PRKCB: variants seen among roughly 807,000 people sequenced by gnomAD.
PRKCB encodes protein kinase C beta type.
Under a neutral mutation model 81.5 loss-of-function variants are expected in PRKCB, and 13 were observed. That is an observed-to-expected ratio of 0.16 (90% CI 0.10 to 0.25). The LOEUF (loss-of-function observed/expected upper bound fraction) is 0.25, where lower values mean the gene tolerates loss of function less well. PRKCB is among the 10% of genes least tolerant of loss of function. The probability of loss-of-function intolerance (pLI) is 1.00; values close to 1 mark genes in which losing one functional copy is unlikely to be tolerated. For missense variants in PRKCB, 509 were observed against 875.7 expected, an observed-to-expected ratio of 0.58 and a Z score of 5.29; for synonymous variants, 335 against 321.4, an observed-to-expected ratio of 1.04 and a Z score of -0.45.
intron 8 of PRKCB, among the ~76,000 whole-genome samples, chr16:24,114,927 A>G: frequency 6.6e-6 from 1 of 152,236 alleles, no homozygotes; most frequent in South Asian, 2.1e-4. Flanking sequence ...AACATGTACA[A>G]GAGAAATGTC....
chr16:23,911,941 C>T (rs1432205190), intron 2 of PRKCB, among the ~76,000 whole-genome samples: 2 of 150,378 alleles, frequency 1.3e-5, no homozygotes, highest in African/African-American at 2.5e-5. Flanking sequence ...AGGTGATTCT[C>T]CTGCCTCAGC....
intron 7 of PRKCB, among the ~76,000 whole-genome samples, chr16:24,098,025 A>T (rs1389729873): frequency 9.2e-5 from 14 of 152,200 alleles, no homozygotes; most frequent in Non-Finnish European, 1.5e-5. Context: ...GGAAGGGGAT[A>T]TAATGAGACA....
At chr16:23,996,730 C>G (rs564143053) in intron 3 of PRKCB, among the ~76,000 whole-genome samples, 40 of 152,302 alleles carry the variant, frequency 2.6e-4, no homozygotes, top group African/African-American at 9.6e-4. Context: ...GGGCAGTGAA[C>G]TCACACTCAT....
intron 2 of PRKCB, among the ~76,000 whole-genome samples, chr16:23,849,766 A>G (rs978589814): frequency 1.3e-5 from 2 of 152,230 alleles, no homozygotes; most frequent in Non-Finnish European, 2.9e-5. Context: ...TTTGATACAT[A>G]TATACAATGT....
In PRKCB at chr16:24,012,911, G is replaced by A. The variant is rs117592567; in HGVS notation, c.289-19225G>A. On this transcript the variant is annotated intron_variant, in intron 3 of 16. Coordinates refer to ENST00000643927, the MANE Select transcript of PRKCB (RefSeq NM_002738.7). ...ATTTGCACATACTTCTCCCTTGGCTGAGATACTCTTCTCTCTCTTCTTCCC... is the reference window on the plus strand; with the variant it reads ...ATTTGCACATACTTCTCCCTTGGCTAAGATACTCTTCTCTCTCTTCTTCCC... 2.5e-3 allele frequency among the ~76,000 whole-genome samples: 376 copies of A among 152,376 alleles called. 1 individual carries two copies. The highest frequency in any genetic ancestry group is 4.7e-3 in the Non-Finnish European group (318 of 68,046).
intron 9 of PRKCB, among the ~76,000 whole-genome samples, chr16:24,133,936 C>T (rs977908763): frequency 6.7e-6 from 1 of 149,998 alleles, no homozygotes; most frequent in Non-Finnish European, 1.5e-5. Context: ...CACTCTGTCA[C>T]CCAGGCTGGA....
At chr16:24,121,015 C>T (rs1427814169) in intron 8 of PRKCB, among the ~76,000 whole-genome samples, 1 of 152,198 alleles carries the variant, frequency 6.6e-6, no homozygotes, top group Non-Finnish European at 1.5e-5. Flanking sequence ...TACCATAGCC[C>T]TGCTTCAAAC....
chr16:23,878,214 C>G (rs1316476279), intron 2 of PRKCB, among the ~76,000 whole-genome samples: 2 of 152,122 alleles, frequency 1.3e-5, no homozygotes, highest in Non-Finnish European at 2.9e-5. Context: ...AACCATTGTT[C>G]CTAGGTGAAA....
At chr16:23,844,992 G>A (rs1056910596) in intron 2 of PRKCB, among the ~76,000 whole-genome samples, 1 of 152,138 alleles carries the variant, frequency 6.6e-6, no homozygotes, top group Non-Finnish European at 1.5e-5. Flanking sequence ...AGTAGAGACA[G>A]GGTTTCACCA....
chr16:24,182,874 T>C (rs1459138474), intron 13 of PRKCB, among the ~76,000 whole-genome samples: 7 of 38,382 alleles, frequency 1.8e-4, no homozygotes, highest in Non-Finnish European at 3.5e-4. Context: ...CATTGTTTCT[T>C]GTGTGTGTGT....
At chr16:24,170,816 C>T (rs1307406573) in intron 10 of PRKCB, among the ~76,000 whole-genome samples, 2 of 152,262 alleles carry the variant, frequency 1.3e-5, no homozygotes, top group African/African-American at 2.4e-5. Flanking sequence ...CCCTTTCCCT[C>T]TCTGGGCACC....
chr16:24,081,889 T>TA (rs1050056337), intron 5 of PRKCB, among the ~76,000 whole-genome samples: 3 of 149,024 alleles, frequency 2.0e-5, no homozygotes, highest in Non-Finnish European at 3.0e-5. Context: ...AATAATAAAA[T>TA]AAAAAATAAA....
intron 10 of PRKCB, 33 bp downstream of exon 10, chr16:24,154,890 T>G (rs1413907485): frequency 6.3e-7 from 1 of 1,598,668 alleles, no homozygotes; most frequent in Admixed American, 1.7e-5. Flanking sequence ...GTATTCCACC[T>G]CCAGGGCTTC....
At chr16:24,165,203 G>A (rs991039754) in intron 10 of PRKCB, among the ~76,000 whole-genome samples, 1 of 152,094 alleles carries the variant, frequency 6.6e-6, no homozygotes, top group Non-Finnish European at 1.5e-5. Context: ...ACCATGCCTG[G>A]CTAATTTTTT....
rs182869324 is a variant in PRKCB, at chr16:23,993,239, A to G, written c.288+4649A>G. Among the ~76,000 whole-genome samples, 3 of 152,310 alleles carry G rather than the reference A, an allele frequency of 2.0e-5. No homozygotes were observed. The East Asian group carries it at 5.8e-4, about 29-fold the overall frequency. ...ATGGGAATGATATTAAGGGGGTAGG[A>G]TAATGGTGGAAGTAACATGAAGTTG... On this transcript the variant is annotated intron_variant, in intron 3 of 16. Coordinates refer to ENST00000643927, the MANE Select transcript of PRKCB (RefSeq NM_002738.7).
intron 2 of PRKCB, among the ~76,000 whole-genome samples, chr16:23,903,506 G>A (rs769551469): frequency 6.6e-6 from 1 of 152,020 alleles, no homozygotes; most frequent in Non-Finnish European, 1.5e-5. Context: ...TGATTAATTA[G>A]CAAGCACATG....
intron 5 of PRKCB, among the ~76,000 whole-genome samples, chr16:24,042,742 A>ATTT (rs1246366808): frequency 8.0e-4 from 57 of 71,478 alleles, no homozygotes; most frequent in African/African-American, 2.9e-3. Flanking sequence ...ATACATACAA[A>ATTT]ATTTTTTTTT....
chr16:23,954,440 C>T (rs147700759), intron 2 of PRKCB, among the ~76,000 whole-genome samples: 2 of 152,342 alleles, frequency 1.3e-5, no homozygotes, highest in East Asian at 1.9e-4. Flanking sequence ...TTGCCCTTCC[C>T]GTCCTGGGAG....
intron 16 of PRKCB, among the ~76,000 whole-genome samples, chr16:24,201,275 A>G (rs185538871): frequency 2.0e-5 from 3 of 152,254 alleles, no homozygotes; most frequent in African/African-American, 7.2e-5. Context: ...ACTGACTTTT[A>G]AGCAAAAAAT....
Sources: gnomAD v4.1 joint callset for allele counts (sites outside exome capture counted in the v4.1 genomes callset) on GRCh38, gnomAD v4.1.1 for gene constraint, MANE v1.5 for transcripts, NCBI Gene and HGNC (gene_info 2026-07-23, HGNC 2026-07-21) for gene names.